Variants in EIF2S3B observed in about 807,000 individuals in gnomAD.
EIF2S3B encodes the protein eukaryotic translation initiation factor 2 subunit gamma B, also known as eukaryotic translation initiation factor 2 subunit 3B.
Under a neutral mutation model 26.4 loss-of-function variants are expected in EIF2S3B, and 16 were observed. The observed-to-expected ratio is 0.61, with a 90% CI of 0.41 to 0.92. The LOEUF is 0.92. Among genes scored for constraint, EIF2S3B ranks in the 40% least tolerant of loss-of-function variants. EIF2S3B has a pLI of 0.00. For missense variants in EIF2S3B, 510 were observed against 575.5 expected (o/e 0.89, Z 1.16); for synonymous variants, 183 against 204.4 (o/e 0.90, Z 0.89).
chr12:10,515,462 A>G (rs1357878457), intron 1 of EIF2S3B, among the ~76,000 whole-genome samples: 1 of 152,102 alleles, frequency 6.6e-6, no homozygotes, highest in Non-Finnish European at 1.5e-5. Context: ...AATAATCAGA[A>G]TAAAGATATT....
intron 1 of EIF2S3B, among the ~76,000 whole-genome samples, chr12:10,516,631 G>C (rs10772302): frequency 0.56 from 85,143 of 150,956 alleles, 24,394 homozygotes; most frequent in East Asian, 0.75. Flanking sequence ...GCCCTGGCCA[G>C]AACTTCCAAC....
exon 2 of EIF2S3B, chr12:10,522,978 T>C: frequency 5.2e-6 from 1 of 193,666 alleles, no homozygotes; most frequent in Non-Finnish European, 1.1e-5. Flanking sequence ...TAAACATGTA[T>C]ATACATACAT....
chr12:10,521,635 C>A (rs1260296451), intron 1 of EIF2S3B, among the ~76,000 whole-genome samples: 3 of 152,076 alleles, frequency 2.0e-5, no homozygotes, highest in Non-Finnish European at 4.4e-5. Context: ...GAAAAAGAAT[C>A]TGAATCAATG....
chr12:10,516,067 G>A (rs1298088784), intron 1 of EIF2S3B, among the ~76,000 whole-genome samples: 1 of 151,548 alleles, frequency 6.6e-6, no homozygotes, highest in African/African-American at 2.4e-5. Flanking sequence ...GTAAAGTGTA[G>A]TGTATCTGAA....
At position 10,506,103 on chromosome 12, in the gene EIF2S3B, C is replaced by T; in HGVS notation, c.201C>T (p.Val67=). The change falls in exon 1 of 1, where the codon GTC becomes GTT. Residue 67 remains valine, a synonymous_variant. Transcript: ENST00000538173. ...VVKAISGVHT[V]RFKNELERNI... ...AAGCTATTTCTGGAGTTCACACCGT[C>T]AGGTTCAAAAATGAACTAGAAAGAA... The T allele has an allele frequency of 6.3e-7, 1 of 1,593,424 alleles. No homozygotes were observed. Among genetic ancestry groups the T allele is most frequent in the Non-Finnish European group, 8.6e-7 (1 of 1,161,108 alleles).
chr12:10,506,288 A>T lies in EIF2S3B; in HGVS notation c.386A>T (p.His129Leu). ...GTKGNFRLVR[H>L]VSFVDCPGHD... ...AAAGGGAACTTCAGATTAGTCAGAC[A>T]TGTTTCCTTTGTTGACTGTCCTGGC... The change falls in exon 1 of 1, where the codon CAT becomes CTT. Residue 129 changes from histidine (H) to leucine (L), a missense_variant. His to Leu is a moderately conservative substitution (Grantham distance 99). Coordinates refer to ENST00000538173, the MANE Select transcript of EIF2S3B (RefSeq NM_001357734.3). The T allele has an allele frequency of 6.2e-7, 1 of 1,614,074 alleles. No individual in the cohort carries two copies. The highest frequency in any genetic ancestry group is 8.5e-7 in the Non-Finnish European group (1 of 1,179,956).
In EIF2S3B at chr12:10,505,890, C is replaced by G. The variant is rs769371128; in HGVS notation, c.-13C>G. On this transcript the variant is annotated 5_prime_UTR_variant, in exon 1 of 1. Transcript: ENST00000538173. ...GGCGGCAGCCGGGGTGACTTTCTTC[C>G]TCTTTTGGCAACATGGCGGGCGGAG... is the stretch of plus-strand genomic sequence containing the variant. 3 of 1,591,144 alleles carry G rather than the reference C, an allele frequency of 1.9e-6. No individual in the cohort carries two copies. The highest frequency in any genetic ancestry group is 2.7e-5 in the African/African-American group (2 of 74,494).
intron 1 of EIF2S3B, among the ~76,000 whole-genome samples, chr12:10,516,750 T>A (rs1864761879): frequency 6.6e-6 from 1 of 152,068 alleles, no homozygotes; most frequent in South Asian, 2.1e-4. Flanking sequence ...TGTGGGTTTG[T>A]CATAGATAGC....
Position 10,507,245 on chromosome 12 carries a change from A to G in EIF2S3B, c.1343A>G (p.Glu448Gly), listed in dbSNP as rs1451288176. Residue 448 changes from glutamate to glycine, a missense_variant, in exon 1 of 1, where the codon GAA becomes GGA. Transcript: ENST00000538173. ...GEKIALSRRV[E>G]KHWRLIGWGQ... Reference sequence around the variant, plus strand: ...AAAATTGCCCTTAGCCGAAGAGTTGAAAAACACTGGCGTTTAATTGGTTGG... The same window carrying G: ...AAAATTGCCCTTAGCCGAAGAGTTGGAAAACACTGGCGTTTAATTGGTTGG... 9.3e-6 allele frequency: 15 copies of G among 1,613,906 alleles called. No individual in the cohort carries two copies. The highest frequency in any genetic ancestry group is 1.3e-5 in the Non-Finnish European group (15 of 1,179,764).
chr12:10,516,308 C>T (rs963644894), intron 1 of EIF2S3B, among the ~76,000 whole-genome samples: 1 of 152,000 alleles, frequency 6.6e-6, no homozygotes, highest in Non-Finnish European at 1.5e-5. Context: ...GTAGCTGATA[C>T]TCATGCATAT....
chr12:10,508,525 C>CAAAAAAAAAAA, downstream of EIF2S3B, among the ~76,000 whole-genome samples: 8 of 62,972 alleles, frequency 1.3e-4, no homozygotes, highest in Non-Finnish European at 1.4e-4. Flanking sequence ...TGTTAGAAAG[C>CAAAAAAAAAAA]AAAAAAAAAA....
At chr12:10,512,768 C>T (rs1298842182), downstream of EIF2S3B, among the ~76,000 whole-genome samples, 1 of 152,154 alleles carries the variant, frequency 6.6e-6, no homozygotes, top group Non-Finnish European at 1.5e-5. Context: ...CATTTTTCCT[C>T]TAACATTTTC....
chr12:10,522,878 A>G (rs1481248606), exon 2 of EIF2S3B: 2 of 450,924 alleles, frequency 4.4e-6, no homozygotes, highest in Non-Finnish European at 8.0e-6. Flanking sequence ...CCTGGACTTC[A>G]TGTTTATTAT....
chr12:10,520,882 G>A (rs1864824339), intron 1 of EIF2S3B, among the ~76,000 whole-genome samples: 2 of 152,166 alleles, frequency 1.3e-5, no homozygotes, highest in African/African-American at 4.8e-5. Flanking sequence ...GTAACCATTT[G>A]TCAGGGAATA....
exon 2 of EIF2S3B, chr12:10,522,609 C>A (rs777927230): frequency 2.5e-5 from 17 of 691,222 alleles, no homozygotes; most frequent in Non-Finnish European, 1.3e-5. Context: ...CCAGATTCAT[C>A]TAATTCACCT....
chr12:10,515,893 A>G (rs1864750337), intron 1 of EIF2S3B, among the ~76,000 whole-genome samples: 1 of 150,934 alleles, frequency 6.6e-6, no homozygotes, highest in African/African-American at 2.4e-5. Flanking sequence ...TACTACATAC[A>G]TACTAATTTA....
chr12:10,506,486 T>G lies in EIF2S3B; in HGVS notation c.584T>G (p.Val195Gly). 6.2e-7 allele frequency: 1 copy of G among 1,608,722 alleles called. No individual in the cohort carries two copies. The highest frequency in any genetic ancestry group is 1.7e-5 in the Admixed American group (1 of 60,018). ...ILILQNKIDLVKERQAKEQYE... is the reference protein window; with the variant it reads ...ILILQNKIDLGKERQAKEQYE... ...ATTCTACAAAATAAAATTGATTTGG[T>G]AAAAGAAAGGCAGGCTAAAGAACAA... is the stretch of plus-strand genomic sequence containing the variant. Residue 195 changes from valine (V) to glycine (G), a missense_variant, in exon 1 of 1, where the codon GTA becomes GGA. Val to Gly is a moderately radical substitution (Grantham distance 109). Coordinates refer to ENST00000538173, the MANE Select transcript of EIF2S3B (RefSeq NM_001357734.3).
chr12:10,506,643 A>G lies in EIF2S3B; in HGVS notation c.741A>G (p.Pro247=), dbSNP rs1240381599. The G allele has an allele frequency of 3.1e-6, 5 of 1,613,380 alleles. No homozygotes were observed. The highest frequency in any genetic ancestry group is 4.2e-6 in the Non-Finnish European group (5 of 1,179,456). Reference sequence around the variant, plus strand: ...TAGTAAAGAAAATTCCAGTACCCCCAAGAGACTTTACTTCAGAGCCCCGGC... The same window carrying G: ...TAGTAAAGAAAATTCCAGTACCCCCGAGAGACTTTACTTCAGAGCCCCGGC... ...EYIVKKIPVP[P]RDFTSEPRLI... Residue 247 remains proline, a synonymous_variant, in exon 1 of 1, where the codon CCA becomes CCG. Coordinates refer to ENST00000538173, the MANE Select transcript of EIF2S3B (RefSeq NM_001357734.3).
At chr12:10,517,028 G>A (rs1243129047) in intron 1 of EIF2S3B, among the ~76,000 whole-genome samples, 1 of 150,894 alleles carries the variant, frequency 6.6e-6, no homozygotes, top group Non-Finnish European at 1.5e-5. Context: ...TTTTATTGAG[G>A]ATTTTTGCAT....
Sources: allele counts gnomAD v4.1 joint callset (sites outside exome capture counted in the v4.1 genomes callset), GRCh38; gene constraint gnomAD v4.1.1; transcripts MANE v1.5; gene names NCBI Gene and HGNC (gene_info 2026-07-23, HGNC 2026-07-21).